C19orf44: variants seen among roughly 807,000 people sequenced by gnomAD.
C19orf44 encodes chromosome 19 open reading frame 44, also known as uncharacterized protein C19orf44.
A neutral mutation model predicts 50.7 loss-of-function variants in C19orf44; 43 were observed. That is an observed-to-expected ratio of 0.85 (90% CI 0.66 to 1.09). The LOEUF is 1.09. C19orf44 is among the 50% of genes least tolerant of loss of function. C19orf44 has a pLI of 0.00. For synonymous variants in C19orf44, 298 were observed against 334.7 expected (o/e 0.89, Z 1.20); for missense variants, 722 against 836.2 (o/e 0.86, Z 1.68).
chr19:16,501,271 T>A lies in C19orf44; in HGVS notation c.479T>A (p.Val160Asp). 1 of 1,614,144 alleles carries A rather than the reference T, an allele frequency of 6.2e-7. No individual in the cohort carries two copies. Among genetic ancestry groups the A allele is most frequent in the Non-Finnish European group, 8.5e-7 (1 of 1,180,040 alleles). Residue 160 changes from valine to aspartate, a missense_variant, in exon 2 of 9, where the codon GTC (valine) becomes GAC (aspartate). Transcript: ENST00000221671. ...CAGAATCAAGCCCGTGAACTTCCTG[T>A]CACCGAAAATAATGCACAGAACGCG... ...TSQNQARELP[V>D]TENNAQNAKV... is the part of the protein sequence containing the mutation.
rs2085605473 is a variant in C19orf44, at chr19:16,520,732, G to T, written c.*679G>T. Reference sequence around the variant, plus strand: ...CGCCCCATAGGCACAGGCTGTGTGAGGGTGGACGTGATGAGTGTATCTGGG... The same window carrying T: ...CGCCCCATAGGCACAGGCTGTGTGATGGTGGACGTGATGAGTGTATCTGGG... On this transcript the variant is annotated 3_prime_UTR_variant, in exon 9 of 9. Transcript: ENST00000221671. This position sits in a 1 kb window ranked among gnomAD's most constrained non-coding sequence, Gnocchi z 4.0. 1 of 1,296,952 alleles carries T rather than the reference G, an allele frequency of 7.7e-7. No individual in the cohort carries two copies. Among genetic ancestry groups the T allele is most frequent in the South Asian group, 1.2e-5 (1 of 84,664 alleles). The allele number at this position is 1,296,952 out of a possible 1,614,324, so 80.3% of individuals were successfully genotyped here.
In C19orf44 at chr19:16,514,793, G is replaced by A. The variant is rs905347096; in HGVS notation, c.1902+130G>A. 2.8e-6 allele frequency: 3 copies of A among 1,090,334 alleles called. No individual in the cohort carries two copies. The South Asian group carries it at 5.7e-5, about 21-fold the overall frequency. 67.5% of individuals were successfully genotyped at this position (1,090,334 alleles called of 1,614,324 possible). On this transcript the variant is annotated intron_variant, in intron 7 of 8. Transcript: ENST00000221671. ...CCCAGGGCTGCAGGGATGCAGTGGGGCCATCACCTGTCCCTGTGGAGGGAG... is the reference window on the plus strand; with the variant it reads ...CCCAGGGCTGCAGGGATGCAGTGGGACCATCACCTGTCCCTGTGGAGGGAG...
In C19orf44 at chr19:16,500,923, C is replaced by T. The variant is rs2093423247; in HGVS notation, c.131C>T (p.Ala44Val). ...ATCAGTAGAAATCTTACCAAAATAG[C>T]ACCTGGTCATAGCAGATTTCTAAAA... The part of the protein sequence containing the change: ...FQISRNLTKI[A>V]PGHSRFLKRN... The change falls in exon 2 of 9, where the codon GCA becomes GTA. Residue 44 changes from alanine to valine, a missense_variant. By Grantham distance (64) the Ala-to-Val change is moderately conservative. Transcript: ENST00000221671. 5 of 1,613,714 alleles carry T rather than the reference C, an allele frequency of 3.1e-6. No homozygotes were observed. The highest frequency in any genetic ancestry group is 3.3e-5 in the Admixed American group (2 of 59,872).
chr19:16,520,524 G>C lies in C19orf44; in HGVS notation c.*471G>C. The C allele has an allele frequency of 6.2e-7, 1 of 1,605,174 alleles. No homozygotes were observed. Among genetic ancestry groups the C allele is most frequent in the East Asian group, 2.2e-5 (1 of 44,834 alleles). ...GAGGGTCCGCTGTGGGGAGAGGCCT[G>C]ATGATCAGGTGCCCCAGTGGATGGG... On this transcript the variant is annotated 3_prime_UTR_variant, in exon 9 of 9. Transcript: ENST00000221671. The surrounding 1 kb of genome is among the most constrained non-coding windows in gnomAD (Gnocchi z 4.0).
chr19:16,502,419 G>C (rs527825899), intron 2 of C19orf44, among the ~76,000 whole-genome samples: 1 of 151,154 alleles, frequency 6.6e-6, no homozygotes, highest in Non-Finnish European at 1.5e-5. Context: ...TGTATTTTTA[G>C]TAGAGATGGG....
At chr19:16,518,567 G>A (rs2085571115) in intron 8 of C19orf44, 1 of 152,874 alleles carries the variant, frequency 6.5e-6, no homozygotes, top group African/African-American at 2.4e-5. Context: ...CTTCTTTCTA[G>A]ACCTAAACCA....
rs200953055 is a variant in C19orf44 at position 16,514,624 on chromosome 19, G to A, written c.1863G>A (p.Ala621=). 51 of 1,590,490 alleles carry A rather than the reference G, an allele frequency of 3.2e-5. No homozygotes were observed. The East Asian group carries it at 7.1e-4, about 22-fold the overall frequency. Residue 621 remains alanine, a synonymous_variant, in exon 7 of 9, where the codon GCG becomes GCA. Transcript: ENST00000221671. ...LHASLLRSLD[A]DSFHYHTLEE... ...CCTCCCTCCTGCGCTCCCTGGACGC[G>A]GACTCCTTCCACTACCACACCCTGG...
chr19:16,503,161 G>A lies in C19orf44; in HGVS notation c.856G>A (p.Asp286Asn). The A allele has an allele frequency of 6.2e-7, 1 of 1,614,128 alleles. No individual in the cohort carries two copies. The highest frequency in any genetic ancestry group is 8.5e-7 in the Non-Finnish European group (1 of 1,180,026). ...ACACCTGCCAACCTCCCTGGCAGCA[G>A]ACAGAACCCTTCACAGCACTCGCTC... ...TSHLPTSLAA[D>N]RTLHSTRSRA... Residue 286 changes from aspartate (D) to asparagine (N), a missense_variant, in exon 3 of 9, where the codon GAC becomes AAC. Asp to Asn is a conservative substitution (Grantham distance 23). Transcript: ENST00000221671.
chr19:16,501,388 C>T lies in C19orf44; in HGVS notation c.596C>T (p.Pro199Leu). 1 of 1,613,890 alleles carries T rather than the reference C, an allele frequency of 6.2e-7. No homozygotes were observed. The highest frequency in any genetic ancestry group is 8.5e-7 in the Non-Finnish European group (1 of 1,179,980). ...GGGAAAGAGAGGACTTTGCAAACCC[C>T]CAAACAGAAAGAACCTGCTAGAACA... The part of the protein sequence containing the change: ...PAGKERTLQT[P>L]KQKEPARTFD... The change falls in exon 2 of 9, where the codon CCC (proline) becomes CTC (leucine). Residue 199 changes from proline to leucine, a missense_variant. By Grantham distance (98) the Pro-to-Leu change is moderately conservative (BLOSUM62 -3). Coordinates refer to ENST00000221671, the MANE Select transcript of C19orf44 (RefSeq NM_032207.4).
At position 16,521,285 on chromosome 19, in the gene C19orf44, C is replaced by T. The variant is rs577875679; in HGVS notation, c.*1232C>T. 103 of 568,880 alleles carry T rather than the reference C, an allele frequency of 1.8e-4. No homozygotes were observed. Among genetic ancestry groups the T allele is most frequent in the South Asian group, 1.6e-3 (71 of 43,162 alleles). 35.2% of individuals were successfully genotyped at this position (568,880 alleles called of 1,614,324 possible). A position where few individuals can be genotyped will look rare whatever the true frequency, so the allele number is the denominator to read the frequency against. ...CCCTGTGGCAGCCGGCTGCTTGAGACGTGCCGCCGTGCCACACCTTCCCTA... is the reference window on the plus strand; with the variant it reads ...CCCTGTGGCAGCCGGCTGCTTGAGATGTGCCGCCGTGCCACACCTTCCCTA... On this transcript the variant is annotated 3_prime_UTR_variant, in exon 9 of 9. Coordinates refer to ENST00000221671, the MANE Select transcript of C19orf44 (RefSeq NM_032207.4).
intron 6 of C19orf44, 59 bp from the exon 7 acceptor site, chr19:16,514,438 G>T (rs933708583): frequency 1.3e-5 from 19 of 1,488,750 alleles, no homozygotes; most frequent in South Asian, 5.1e-5. Context: ...CGGTGGGGGG[G>T]GGGCTGCAGA....
intron 3 of C19orf44, among the ~76,000 whole-genome samples, chr19:16,503,753 C>G (rs1568493698): frequency 6.6e-6 from 1 of 152,180 alleles, no homozygotes; most frequent in East Asian, 1.9e-4. Flanking sequence ...TTTGTGGAGA[C>G]CAGGTTTCAC....
chr19:16,506,680 A>G lies in C19orf44; in HGVS notation c.1076-21A>G, dbSNP rs748869403. Reference sequence around the variant, plus strand: ...AATAAGAGAGTAAATGTAAACGCTTATACTCATTTTTTAATTACAGAGTTT... The same window carrying G: ...AATAAGAGAGTAAATGTAAACGCTTGTACTCATTTTTTAATTACAGAGTTT... On this transcript the variant is annotated intron_variant, in intron 3 of 8. Coordinates refer to ENST00000221671, the MANE Select transcript of C19orf44 (RefSeq NM_032207.4). The G allele has an allele frequency of 3.3e-6, 5 of 1,515,088 alleles. No homozygotes were observed. In the South Asian group the frequency reaches 6.1e-5, roughly 19 times the overall value. 93.9% of individuals were successfully genotyped at this position (1,515,088 alleles called of 1,614,324 possible). A position where few individuals can be genotyped will look rare whatever the true frequency, so the allele number is the denominator to read the frequency against.
intron 7 of C19orf44, among the ~76,000 whole-genome samples, chr19:16,516,852 A>T (rs1324612071): frequency 6.6e-6 from 1 of 152,116 alleles, no homozygotes; most frequent in Non-Finnish European, 1.5e-5. Context: ...GGGGCTTTGA[A>T]CTCATGCCTC....
chr19:16,503,402 AGCCAGT>A (rs1294518452), intron 3 of C19orf44, 22 bp downstream of exon 3: 1 of 1,592,126 alleles, frequency 6.3e-7, no homozygotes, highest in African/African-American at 1.3e-5. Context: ...CCCGGTGCAA[AGCCAGT>A]ACCTTGGGCA....
chr19:16,508,946 G>A lies in C19orf44; in HGVS notation c.1150-553G>A, dbSNP rs183541658. Among the ~76,000 whole-genome samples, 150 of 151,974 alleles carry A rather than the reference G, an allele frequency of 9.9e-4. No individual in the cohort carries two copies. The Middle Eastern group carries it at 0.01, about 10-fold the overall frequency. ...AGTGATTCTCCTGCCTTAGCCTGCT[G>A]AGTAGCTGGGATTACAGATACGTGC... On this transcript the variant is annotated intron_variant, in intron 4 of 8. Transcript: ENST00000221671.
At position 16,503,207 on chromosome 19, in the gene C19orf44, G is replaced by C. The variant is rs753331431; in HGVS notation, c.902G>C (p.Ser301Thr). ...CGCTCAAGAGCAGACTACCCACAGA[G>C]TCACGTTTCCAGTGACACCGCCTCC... ...STRSRADYPQSHVSSDTASHT... is the reference protein window; with the variant it reads ...STRSRADYPQTHVSSDTASHT... The change falls in exon 3 of 9, where the codon AGT (serine) becomes ACT (threonine). Residue 301 changes from serine to threonine, a missense_variant. Transcript: ENST00000221671. 6.2e-7 allele frequency: 1 copy of C among 1,613,986 alleles called. No individual in the cohort carries two copies. The highest frequency in any genetic ancestry group is 8.5e-7 in the Non-Finnish European group (1 of 1,180,030).
At chr19:16,511,820 G>C (rs984924002) in intron 5 of C19orf44, among the ~76,000 whole-genome samples, 2 of 151,896 alleles carry the variant, frequency 1.3e-5, no homozygotes, top group African/African-American at 2.4e-5. Flanking sequence ...GTAGTTCCCA[G>C]CCTGGCCAAT....
intron 3 of C19orf44, among the ~76,000 whole-genome samples, chr19:16,505,771 C>T (rs1482671255): frequency 1.3e-5 from 2 of 152,078 alleles, no homozygotes; most frequent in Non-Finnish European, 2.9e-5. Context: ...CAACCTCCAA[C>T]TCCGGGTTCA....
Sources: allele counts gnomAD v4.1 joint callset (sites outside exome capture counted in the v4.1 genomes callset), GRCh38; gene constraint gnomAD v4.1.1; non-coding constraint Gnocchi (gnomAD v3.1); transcripts MANE v1.5; gene names NCBI Gene and HGNC (gene_info 2026-07-23, HGNC 2026-07-21).